SEMA3A: variants seen among roughly 807,000 people sequenced by gnomAD.
SEMA3A encodes the protein semaphorin 3A.
SEMA3A carries 29 observed loss-of-function variants against 97.9 expected under a neutral mutation model. The observed-to-expected ratio is 0.30, with a 90% CI of 0.22 to 0.40. The LOEUF is 0.40. Among genes scored for constraint, SEMA3A ranks in the 10% least tolerant of loss-of-function variants. The probability of loss-of-function intolerance (pLI) is 1.00; values close to 1 mark genes in which losing one functional copy is unlikely to be tolerated. For missense variants in SEMA3A, 763 were observed against 951.3 expected (o/e 0.80, Z 2.60); for synonymous variants, 321 against 323.7 (o/e 0.99, Z 0.09).
intron 4 of SEMA3A, among the ~76,000 whole-genome samples, chr7:84,067,097 G>C (rs967647951): frequency 9.9e-5 from 15 of 152,284 alleles, no homozygotes; most frequent in Admixed American, 8.5e-4. Flanking sequence ...GAAGAGAACA[G>C]AGCCCTCAGA....
At chr7:84,139,794 T>G (rs1473184370) in intron 1 of SEMA3A, among the ~76,000 whole-genome samples, 2 of 152,184 alleles carry the variant, frequency 1.3e-5, no homozygotes, top group East Asian at 3.9e-4. Context: ...TTTGATAGAT[T>G]TCTATTTAAG....
intron 2 of SEMA3A, among the ~76,000 whole-genome samples, chr7:84,336,944 C>A (rs1036696097): frequency 3.9e-5 from 6 of 152,080 alleles, no homozygotes; most frequent in Admixed American, 3.9e-4. Context: ...CTATATCATG[C>A]CAACACCTTC....
chr7:84,244,730 T>C (rs914005164), intron 3 of SEMA3A, among the ~76,000 whole-genome samples: 1 of 152,204 alleles, frequency 6.6e-6, no homozygotes, highest in Non-Finnish European at 1.5e-5. Flanking sequence ...TTACCAGTTT[T>C]TCCTTTCCAT....
Position 84,344,846 on chromosome 7 carries a change from C to T in SEMA3A, c.-169+26978G>A, listed in dbSNP as rs185581034. Among the ~76,000 whole-genome samples, 3 of 152,158 alleles carry T rather than the reference C, an allele frequency of 2.0e-5. No homozygotes were observed. The East Asian group carries it at 5.8e-4, about 29-fold the overall frequency. Reference sequence around the variant, plus strand: ...ATTAAGTAGAATCCTTAGATTTACTCAAAATTCAAAACATCACTTTGAGAA... The same window carrying T: ...ATTAAGTAGAATCCTTAGATTTACTTAAAATTCAAAACATCACTTTGAGAA... On this transcript the variant is annotated intron_variant, in intron 2 of 3. Transcript: ENST00000424555.
At chr7:84,104,783 G>A (rs1391641463) in intron 4 of SEMA3A, among the ~76,000 whole-genome samples, 4 of 74,626 alleles carry the variant, frequency 5.4e-5, no homozygotes, top group African/African-American at 1.4e-4. Flanking sequence ...ACACTAGTGA[G>A]TTGTTATCTC....
At chr7:84,263,066 A>G (rs985537552) in intron 3 of SEMA3A, among the ~76,000 whole-genome samples, 5 of 152,226 alleles carry the variant, frequency 3.3e-5, no homozygotes, top group African/African-American at 9.6e-5. Flanking sequence ...TTAAAAATAA[A>G]TTATGACATT....
Position 84,110,476 on chromosome 7 carries a change from A to G in SEMA3A, c.447T>C (p.His149=). The change falls in exon 4 of 17, where the codon CAT becomes CAC. Residue 149 remains histidine (H), a synonymous_variant. Coordinates refer to ENST00000265362, the MANE Select transcript of SEMA3A (RefSeq NM_006080.3). ...TTTAAAAAGCCAGCGTTACCTCAGG[A>G]TGATGTCCAATTTCAATGTAGGTGC... is the stretch of plus-strand genomic sequence containing the variant. The part of the protein sequence containing the change: ...PICTYIEIGH[H]PEDNIFKLEN... 6.2e-7 allele frequency: 1 copy of G among 1,613,884 alleles called. No homozygotes were observed. Among genetic ancestry groups the G allele is most frequent in the Non-Finnish European group, 8.5e-7 (1 of 1,179,854 alleles).
At chr7:84,271,155 A>G (rs1347995167) in intron 3 of SEMA3A, among the ~76,000 whole-genome samples, 1 of 151,608 alleles carries the variant, frequency 6.6e-6, no homozygotes, top group Admixed American at 6.6e-5. Context: ...TTTTCTATTT[A>G]TTTATAGCTA....
chr7:84,482,310 C>T (rs762682594), intron 1 of SEMA3A, among the ~76,000 whole-genome samples: 7 of 151,988 alleles, frequency 4.6e-5, no homozygotes, highest in East Asian at 1.9e-4. Context: ...CATATAAATG[C>T]GTATGTATTT....
chr7:83,963,492 G>C, intron 15 of SEMA3A, 145 bp from the exon 16 acceptor site: 1 of 863,860 alleles, frequency 1.2e-6, no homozygotes, highest in Non-Finnish European at 1.8e-6. Flanking sequence ...AAATGTCAGT[G>C]ATGTAAGGTT....
intron 3 of SEMA3A, among the ~76,000 whole-genome samples, chr7:84,235,088 T>A (rs1799203833): frequency 6.6e-6 from 1 of 152,064 alleles, no homozygotes; most frequent in Non-Finnish European, 1.5e-5. Flanking sequence ...GATTTAAAAA[T>A]AAATTCTTTA....
At chr7:84,279,760 T>G (rs1470545435) in intron 3 of SEMA3A, among the ~76,000 whole-genome samples, 2 of 152,182 alleles carry the variant, frequency 1.3e-5, no homozygotes, top group Non-Finnish European at 2.9e-5. Flanking sequence ...GAAAACTTCT[T>G]GAAGTTAGTC....
intron 12 of SEMA3A, among the ~76,000 whole-genome samples, chr7:83,998,803 T>A (rs1406099544): frequency 6.6e-6 from 1 of 152,136 alleles, no homozygotes; most frequent in Non-Finnish European, 1.5e-5. Context: ...CTTTTTAAAC[T>A]CCTTTTGTTA....
intron 2 of SEMA3A, among the ~76,000 whole-genome samples, chr7:84,364,122 CATA>C (rs1444763159): frequency 2.0e-5 from 3 of 151,468 alleles, no homozygotes; most frequent in Admixed American, 6.6e-5. Context: ...TGTTAAATGA[CATA>C]ATAAATATAT....
At chr7:84,350,167 T>C (rs577621419) in intron 2 of SEMA3A, among the ~76,000 whole-genome samples, 1 of 152,304 alleles carries the variant, frequency 6.6e-6, no homozygotes, top group Non-Finnish European at 1.5e-5. Context: ...ATAACCTCTA[T>C]TGTTTAGATT....
chr7:84,415,199 T>C (rs1354133005), intron 1 of SEMA3A, among the ~76,000 whole-genome samples: 1 of 152,126 alleles, frequency 6.6e-6, no homozygotes, highest in Non-Finnish European at 1.5e-5. Flanking sequence ...AACAGAAATC[T>C]ACCAGGTGAC....
intron 2 of SEMA3A, among the ~76,000 whole-genome samples, chr7:84,309,979 T>C (rs1801272598): frequency 6.6e-6 from 1 of 152,094 alleles, no homozygotes; most frequent in African/African-American, 2.4e-5. Flanking sequence ...CTACAAACAT[T>C]GGCAAGATCT....
chr7:84,005,447 T>C lies in SEMA3A; in HGVS notation c.1252A>G (p.Asn418Asp), dbSNP rs780864321. 12 of 1,613,834 alleles carry C rather than the reference T, an allele frequency of 7.4e-6. No homozygotes were observed. Among genetic ancestry groups the C allele is most frequent in the South Asian group, 1.1e-5 (1 of 91,082 alleles). The stretch of plus-strand genomic sequence containing the variant: ...TCCGTTTTGATCACTATTGGGCGAT[T>C]GTTCATAGGAAACACTGGATTGTAC... ...AMYNPVFPMNNRPIVIKTDVN... is the reference protein window; with the variant it reads ...AMYNPVFPMNDRPIVIKTDVN... Residue 418 changes from asparagine (N) to aspartate (D), a missense_variant, in exon 11 of 17, where the codon AAT (asparagine) becomes GAT (aspartate). Physicochemically the swap from Asn to Asp is conservative, Grantham distance 23. Around this residue, in one of 2 missense-constraint regions of SEMA3A, gnomAD observed 678 missense variants for 881.3 expected, o/e 0.77. Transcript: ENST00000265362.
chr7:84,410,339 T>C (rs565527683), intron 1 of SEMA3A, among the ~76,000 whole-genome samples: 2 of 152,130 alleles, frequency 1.3e-5, no homozygotes, highest in African/African-American at 2.4e-5. Context: ...TTTTCTTCTA[T>C]AATTTTCAAG....
Sources: gnomAD v4.1 joint callset for allele counts (sites outside exome capture counted in the v4.1 genomes callset) on GRCh38, gnomAD v4.1.1 for gene constraint, gnomAD v4.1.1 regional missense constraint, MANE v1.5 for transcripts, NCBI Gene and HGNC (gene_info 2026-07-23, HGNC 2026-07-21) for gene names.